GLO1: variants seen among roughly 807,000 people sequenced by gnomAD.
The protein encoded by GLO1 is glyoxalase I, also known as lactoylglutathione lyase.
Under a neutral mutation model 26.0 loss-of-function variants are expected in GLO1, and 28 were observed. That is an observed-to-expected ratio of 1.08 (90% CI 0.80 to 1.48). GLO1 has a LOEUF of 1.48. GLO1 is among the 40% of genes most tolerant of loss of function. GLO1 has a pLI of 0.00. For missense variants in GLO1, 225 were observed against 224.8 expected, an observed-to-expected ratio of 1.00 and a Z score of -0.01; for synonymous variants, 78 against 77.6, an observed-to-expected ratio of 1.00 and a Z score of -0.03.
At position 38,687,167 on chromosome 6, in the gene GLO1, A is replaced by ATTCTCTCTAGTCTGCTTTGGGGCTAC; in HGVS notation, c.85-194_85-193insGTAGCCCCAAAGCAGACTAGAGAGAA. 1.2e-5 allele frequency: 11 copies of ATTCTCTCTAGTCTGCTTTGGGGCTAC among 895,958 alleles called. No homozygotes were observed. In the African/African-American group the frequency reaches 1.3e-4, roughly 10 times the overall value. The allele number at this position is 895,958 out of a possible 1,614,324, so 55.5% of individuals were successfully genotyped here. On this transcript the variant is annotated intron_variant, in intron 1 of 5. Transcript: ENST00000373365. ...AAGTCCAAAGTGTCAGAAAGTTTCC[A>ATTCTCTCTAGTCTGCTTTGGGGCTAC]CTGCAGGAATGACCTTCAACCAATG...
rs750173881 is a variant in GLO1, at chr6:38,682,087, C to T, written c.391G>A (p.Ala131Thr). The change falls in exon 5 of 6, where the codon GCT becomes ACT. Residue 131 changes from alanine to threonine, a missense_variant. Coordinates refer to ENST00000373365, the MANE Select transcript of GLO1 (RefSeq NM_006708.3). ...CAAGCACTGTATACATCAGGAACAG[C>T]AATTCCAATATGACCTTACGTGATA... is the stretch of plus-strand genomic sequence containing the variant. ...DPRGFGHIGI[A>T]VPDVYSACKR... 8.9e-6 allele frequency: 14 copies of T among 1,578,412 alleles called. No homozygotes were observed. Among genetic ancestry groups the T allele is most frequent in the East Asian group, 2.2e-5 (1 of 44,712 alleles).
intron 3 of GLO1, 165 bp from the exon 4 acceptor site, chr6:38,683,040 C>A: frequency 3.5e-6 from 2 of 564,466 alleles, no homozygotes; most frequent in Non-Finnish European, 6.4e-6. Flanking sequence ...GACAAATGGC[C>A]AAAGTATGAT....
At chr6:38,684,242 A>G (rs1043162562) in intron 3 of GLO1, 132 bp downstream of exon 3, 4 of 366,032 alleles carry the variant, frequency 1.1e-5, no homozygotes, top group Non-Finnish European at 1.9e-5. Context: ...ACACTTCAAT[A>G]TATTATTAAA....
Position 38,681,608 on chromosome 6 carries a change from C to T in GLO1, c.466+404G>A, listed in dbSNP as rs1334729501. On this transcript the variant is annotated intron_variant, in intron 5 of 5. Transcript: ENST00000373365. The stretch of plus-strand genomic sequence containing the variant: ...GGTTATAAAAGATGAAAAAGAAATA[C>T]CATGTGATTATAAACTAAAGAGAGC... Among the ~76,000 whole-genome samples the T allele has an allele frequency of 3.3e-5, 5 of 152,018 alleles. 1 individual carries two copies. In the South Asian group the frequency reaches 1.0e-3, roughly 32 times the overall value.
In GLO1 at chr6:38,692,735, TAATG is replaced by T. The variant is rs575775828; in HGVS notation, c.85-5765_85-5762del. On this transcript the variant is annotated intron_variant, in intron 1 of 5. Coordinates refer to ENST00000373365, the MANE Select transcript of GLO1 (RefSeq NM_006708.3). ...TATTTTTTTCTGAACTTAAAAAAAA[TAATG>T]AATGAGTGTTGAATTTTGTCAAATG... 1.7e-3 allele frequency among the ~76,000 whole-genome samples: 263 copies of T among 151,908 alleles called. 2 individuals are homozygous for T. The highest frequency in any genetic ancestry group is 6.2e-3 in the African/African-American group (255 of 41,436).
chr6:38,702,697 T>G (rs958972428), intron 1 of GLO1, among the ~76,000 whole-genome samples: 1 of 152,166 alleles, frequency 6.6e-6, no homozygotes, highest in African/African-American at 2.4e-5. Context: ...AAGCTGACCC[T>G]GGGTTGGCCT....
intron 1 of GLO1, among the ~76,000 whole-genome samples, chr6:38,692,999 T>G (rs909006655): frequency 6.6e-6 from 1 of 152,084 alleles, no homozygotes; most frequent in African/African-American, 2.4e-5. Flanking sequence ...TTTCTTGTAC[T>G]GTCTTCATTT....
At chr6:38,691,800 A>G (rs1285560509) in intron 1 of GLO1, among the ~76,000 whole-genome samples, 1 of 151,932 alleles carries the variant, frequency 6.6e-6, no homozygotes, top group Non-Finnish European at 1.5e-5. Context: ...TTTTTAACCT[A>G]AGGATGTCCA....
chr6:38,686,800 T>C (rs918170711), intron 2 of GLO1, 92 bp downstream of exon 2: 4 of 726,340 alleles, frequency 5.5e-6, no homozygotes, highest in African/African-American at 5.5e-5. Flanking sequence ...CTGTTACTTC[T>C]GAAACAAACT....
In GLO1 at chr6:38,677,308, G is replaced by T; in HGVS notation, c.542C>A (p.Ala181Glu). ...ATTCTCACAGCACTACATTAAGGTT[G>T]CCATTTTGTTAGGATTCAAAATTTC... is the stretch of plus-strand genomic sequence containing the variant. ...WIEILNPNKM[A>E]TLM Residue 181 changes from alanine to glutamate, a missense_variant, in exon 6 of 6, where the codon GCA becomes GAA. Ala to Glu is a moderately radical substitution (Grantham distance 107, BLOSUM62 -1). Coordinates refer to ENST00000373365, the MANE Select transcript of GLO1 (RefSeq NM_006708.3). 1 of 1,463,082 alleles carries T rather than the reference G, an allele frequency of 6.8e-7. No individual in the cohort carries two copies. The allele number at this position is 1,463,082 out of a possible 1,614,324, so 90.6% of individuals were successfully genotyped here. A position where few individuals can be genotyped will look rare whatever the true frequency, so the allele number is the denominator to read the frequency against.
rs949271637 is a variant in GLO1 at position 38,677,195 on chromosome 6, G to A, written c.*100C>T. The A allele has an allele frequency of 1.4e-5, 10 of 736,808 alleles. No individual in the cohort carries two copies. Among genetic ancestry groups the A allele is most frequent in the African/African-American group, 1.1e-4 (6 of 56,862 alleles). The allele number at this position is 736,808 out of a possible 1,614,324, so 45.6% of individuals were successfully genotyped here. Reference sequence around the variant, plus strand: ...AATGGACTGAAGAATAATTTGAATCGGGACAGTGATCCATCAGTCCTAGAT... The same window carrying A: ...AATGGACTGAAGAATAATTTGAATCAGGACAGTGATCCATCAGTCCTAGAT... On this transcript the variant is annotated 3_prime_UTR_variant, in exon 6 of 6. Transcript: ENST00000373365.
chr6:38,679,793 CAAA>C (rs58819710), intron 5 of GLO1, among the ~76,000 whole-genome samples: 6 of 124,650 alleles, frequency 4.8e-5, no homozygotes, highest in Non-Finnish European at 6.8e-5. Flanking sequence ...GACTCTGTCT[CAAA>C]AAAAAAAAAA....
At chr6:38,698,410 AGAGGGACCCC>A (rs1761641885) in intron 1 of GLO1, among the ~76,000 whole-genome samples, 2 of 149,312 alleles carry the variant, frequency 1.3e-5, no homozygotes, top group East Asian at 3.9e-4. Flanking sequence ...ACCTGATTGG[AGAGGGACCCC>A]ATCATATATA....
chr6:38,683,613 C>A (rs1171858069), intron 3 of GLO1, among the ~76,000 whole-genome samples: 1 of 152,148 alleles, frequency 6.6e-6, no homozygotes, highest in Non-Finnish European at 1.5e-5. Context: ...GGAGGCCGGG[C>A]GTGGTGGGTC....
chr6:38,686,793 T>G, intron 2 of GLO1, 99 bp downstream of exon 2: 1 of 683,084 alleles, frequency 1.5e-6, no homozygotes, highest in Non-Finnish European at 2.5e-6. Flanking sequence ...AGAACTTCTG[T>G]TACTTCTGAA....
chr6:38,677,852 T>C (rs1003881755), intron 5 of GLO1, among the ~76,000 whole-genome samples: 3 of 152,226 alleles, frequency 2.0e-5, no homozygotes, highest in Non-Finnish European at 4.4e-5. Flanking sequence ...TAAAATGTTA[T>C]CTTGCACACA....
chr6:38,682,544 T>A lies in GLO1; in HGVS notation c.376+264A>T, dbSNP rs565570287. ...GGATTAGTATTAACTACAGCTTTTT[T>A]AAAAAAAAAAGTCTACTGGAAATTA... is the stretch of plus-strand genomic sequence containing the variant. On this transcript the variant is annotated intron_variant, in intron 4 of 5. Coordinates refer to ENST00000373365, the MANE Select transcript of GLO1 (RefSeq NM_006708.3). Among the ~76,000 whole-genome samples the A allele has an allele frequency of 8.8e-4, 131 of 148,888 alleles. 1 individual carries two copies. Among genetic ancestry groups the A allele is most frequent in the African/African-American group, 2.7e-3 (109 of 40,740 alleles).
Position 38,676,034 on chromosome 6 carries a change from T to C in GLO1, c.*1261A>G, listed in dbSNP as rs1779143119. ...ATCCATTTCACCCAAAAAGGAAACATAAAGTGCTTCTAGCAGTACAAGCAC... is the reference window on the plus strand; with the variant it reads ...ATCCATTTCACCCAAAAAGGAAACACAAAGTGCTTCTAGCAGTACAAGCAC... On this transcript the variant is annotated 3_prime_UTR_variant, in exon 6 of 6. Transcript: ENST00000373365. The C allele has an allele frequency of 6.6e-6, 1 of 152,178 alleles. No individual in the cohort carries two copies. The highest frequency in any genetic ancestry group is 1.5e-5 in the Non-Finnish European group (1 of 68,014). The allele number at this position is 152,178 out of a possible 1,614,324, so 9.4% of individuals were successfully genotyped here. A position where few individuals can be genotyped will look rare whatever the true frequency, so the allele number is the denominator to read the frequency against.
chr6:38,678,853 A>T (rs189885560), intron 5 of GLO1, among the ~76,000 whole-genome samples: 67 of 151,980 alleles, frequency 4.4e-4, no homozygotes, highest in Admixed American at 3.0e-3. Context: ...AGGTGAAATA[A>T]ATTTAAGTCT....
Sources: gnomAD v4.1 joint callset for allele counts (sites outside exome capture counted in the v4.1 genomes callset) on GRCh38, gnomAD v4.1.1 for gene constraint, MANE v1.5 for transcripts, NCBI Gene and HGNC (gene_info 2026-07-23, HGNC 2026-07-21) for gene names.